KIAA1217: variants seen among roughly 807,000 people sequenced by gnomAD.
The protein encoded by KIAA1217 is KIAA1217.
A neutral mutation model predicts 163.9 loss-of-function variants in KIAA1217; 88 were observed. The ratio of observed to expected loss-of-function variants is 0.54; its 90% CI spans 0.45 to 0.64. The LOEUF is 0.64. Among genes scored for constraint, KIAA1217 ranks in the 30% least tolerant of loss-of-function variants. KIAA1217 has a pLI of 0.00. For missense variants in KIAA1217, 2,372 were observed against 2,475.0 expected (o/e 0.96, Z 0.88); for synonymous variants, 903 against 923.1 (o/e 0.98, Z 0.39).
At chr10:24,046,576 G>A (rs746926228) in intron 2 of KIAA1217, among the ~76,000 whole-genome samples, 10 of 152,114 alleles carry the variant, frequency 6.6e-5, no homozygotes, top group Non-Finnish European at 1.2e-4. Context: ...AAGAGAGAGC[G>A]AAGGAGGAAG....
intron 2 of KIAA1217, among the ~76,000 whole-genome samples, chr10:24,144,663 T>C (rs990896470): frequency 3.3e-5 from 5 of 152,220 alleles, no homozygotes; most frequent in African/African-American, 1.2e-4. Context: ...ATGATACGTG[T>C]CTAAAACATG....
At chr10:24,441,100 A>T (rs568710060) in intron 5 of KIAA1217, among the ~76,000 whole-genome samples, 1 of 152,346 alleles carries the variant, frequency 6.6e-6, no homozygotes, top group South Asian at 2.1e-4. Context: ...CAATTGTTGT[A>T]GACTAAACCA....
intron 1 of KIAA1217, among the ~76,000 whole-genome samples, chr10:23,887,647 G>T (rs1172238938): frequency 6.6e-6 from 1 of 151,724 alleles, no homozygotes; most frequent in Non-Finnish European, 1.5e-5. Context: ...AATCTAACTT[G>T]TTGGGCTTTC....
intron 6 of KIAA1217, among the ~76,000 whole-genome samples, chr10:24,483,765 C>T (rs762769758): frequency 1.1e-4 from 16 of 152,084 alleles, no homozygotes; most frequent in Non-Finnish European, 1.9e-4. Flanking sequence ...CTGTTTGTAC[C>T]TGTGCAAAAA....
intron 1 of KIAA1217, among the ~76,000 whole-genome samples, chr10:23,733,021 GT>G (rs35590383): frequency 6.1e-5 from 9 of 147,912 alleles, no homozygotes; most frequent in East Asian, 3.9e-4. Context: ...GTATGTTTTT[GT>G]TTTTTTTTTG....
intron 4 of KIAA1217, among the ~76,000 whole-genome samples, chr10:24,435,257 G>A (rs913099306): frequency 6.6e-6 from 1 of 152,122 alleles, no homozygotes; most frequent in African/African-American, 2.4e-5. Flanking sequence ...AAATATTCAT[G>A]GGTACCCAAA....
intron 1 of KIAA1217, among the ~76,000 whole-genome samples, chr10:23,903,514 G>C (rs1054402813): frequency 6.6e-6 from 1 of 152,130 alleles, no homozygotes; most frequent in African/African-American, 2.4e-5. Context: ...GACAGTCATG[G>C]AGAAGGAAGA....
intron 1 of KIAA1217, among the ~76,000 whole-genome samples, chr10:23,972,667 T>C (rs1257833766): frequency 6.6e-6 from 1 of 152,040 alleles, no homozygotes; most frequent in African/African-American, 2.4e-5. Context: ...CATATGTTTA[T>C]TGCAGCACTA....
At chr10:23,890,596 A>C (rs930721741) in intron 1 of KIAA1217, among the ~76,000 whole-genome samples, 2 of 152,054 alleles carry the variant, frequency 1.3e-5, no homozygotes, top group South Asian at 2.1e-4. Context: ...TAACTTTACT[A>C]TGATAAGCTC....
chr10:23,784,581 T>C (rs761608741), intron 1 of KIAA1217, among the ~76,000 whole-genome samples: 11 of 152,198 alleles, frequency 7.2e-5, no homozygotes, highest in Admixed American at 2.0e-4. Flanking sequence ...TTTTCTATAG[T>C]AGAATGCTTT....
chr10:23,724,007 G>T (rs1444339461), intron 1 of KIAA1217, among the ~76,000 whole-genome samples: 1 of 152,148 alleles, frequency 6.6e-6, no homozygotes, highest in Non-Finnish European at 1.5e-5. Context: ...TACATGACAG[G>T]AGCAGAGACA....
chr10:23,850,691 C>T (rs913930508), intron 1 of KIAA1217, among the ~76,000 whole-genome samples: 3 of 152,094 alleles, frequency 2.0e-5, no homozygotes, highest in Admixed American at 6.6e-5. Context: ...AGTCTGTTCT[C>T]ACATTGCTAT....
intron 2 of KIAA1217, among the ~76,000 whole-genome samples, chr10:24,010,687 T>A (rs1368179146): frequency 1.3e-5 from 2 of 149,176 alleles, no homozygotes; most frequent in African/African-American, 5.0e-5. Context: ...GAAAACACAT[T>A]TGCTGGAAAA....
In KIAA1217 at chr10:24,250,804, A is replaced by T. The variant is rs966177842; in HGVS notation, c.354+30895A>T. ...TTGATGCAAGCCAGAATAAGAATAG[A>T]TTGGGCCGGGTGCAGTGGCTCACAC... On this transcript the variant is annotated intron_variant, in intron 2 of 20. Coordinates refer to ENST00000376454, the MANE Select transcript of KIAA1217 (RefSeq NM_019590.5). Among the ~76,000 whole-genome samples the T allele has an allele frequency of 4.1e-5, 6 of 146,356 alleles. No individual in the cohort carries two copies. The South Asian group carries it at 9.6e-4, about 23-fold the overall frequency.
At chr10:23,882,557 C>T (rs1840997446) in intron 1 of KIAA1217, among the ~76,000 whole-genome samples, 1 of 151,784 alleles carries the variant, frequency 6.6e-6, no homozygotes, top group Non-Finnish European at 1.5e-5. Context: ...ATCTGTATCC[C>T]TTATATTGAT....
chr10:23,815,118 T>C (rs1409207182), intron 1 of KIAA1217, among the ~76,000 whole-genome samples: 2 of 152,184 alleles, frequency 1.3e-5, no homozygotes, highest in Non-Finnish European at 2.9e-5. Flanking sequence ...TAAAACATTA[T>C]TATTATTATT....
intron 2 of KIAA1217, among the ~76,000 whole-genome samples, chr10:24,118,947 TTC>T (rs1470416824): frequency 6.6e-6 from 1 of 152,184 alleles, no homozygotes; most frequent in Admixed American, 6.5e-5. Context: ...TTGTTTTTTT[TTC>T]TCTTTTCTTC....
At chr10:24,013,356 T>C (rs1246467064) in intron 2 of KIAA1217, among the ~76,000 whole-genome samples, 1 of 151,664 alleles carries the variant, frequency 6.6e-6, no homozygotes, top group African/African-American at 2.4e-5. Context: ...GTTATTTCAA[T>C]ATACATCTAT....
At chr10:23,702,119 G>A (rs1391628997) in intron 1 of KIAA1217, among the ~76,000 whole-genome samples, 2 of 152,126 alleles carry the variant, frequency 1.3e-5, no homozygotes, top group Non-Finnish European at 2.9e-5. Context: ...AGTTACTACA[G>A]CAGCAAAAAT....
Sources: gnomAD v4.1 joint callset for allele counts (sites outside exome capture counted in the v4.1 genomes callset) on GRCh38, gnomAD v4.1.1 for gene constraint, MANE v1.5 for transcripts, NCBI Gene and HGNC (gene_info 2026-07-23, HGNC 2026-07-21) for gene names.